PICALM: variants seen among roughly 807,000 people sequenced by gnomAD.
PICALM encodes phosphatidylinositol binding clathrin assembly protein.
Under a neutral mutation model 80.5 loss-of-function variants are expected in PICALM, and 40 were observed. That is an observed-to-expected ratio of 0.50 (90% CI 0.39 to 0.65). The LOEUF (loss-of-function observed/expected upper bound fraction) is 0.65. PICALM is among the 30% of genes least tolerant of loss of function. The pLI is 0.00. For missense variants in PICALM, 676 were observed against 778.9 expected, an observed-to-expected ratio of 0.87 and a Z score of 1.57; for synonymous variants, 288 against 260.3, an observed-to-expected ratio of 1.11 and a Z score of -1.02.
chr11:86,003,431 A>G lies in PICALM; in HGVS notation c.828T>C (p.Asp276=), dbSNP rs1242704176. The change falls in exon 9 of 20, where the codon GAT becomes GAC. Residue 276 remains aspartate, a synonymous_variant. Transcript: ENST00000393346. ...DLSQAPSSLL[D]ALEQHLASLE... ...AGGAAGCTAAATGTTGTTCCAAAGC[A>G]TCAAGAAGACTGCTAGGGGCCTGCA... is the stretch of plus-strand genomic sequence containing the variant. 3 of 1,599,494 alleles carry G rather than the reference A, an allele frequency of 1.9e-6. No homozygotes were observed. Among genetic ancestry groups the G allele is most frequent in the South Asian group, 1.1e-5 (1 of 89,874 alleles).
chr11:86,021,514 C>CGAAAAAAAAAAAAAGGCA (rs2095562567), intron 4 of PICALM, among the ~76,000 whole-genome samples: 6 of 140,094 alleles, frequency 4.3e-5, no homozygotes, highest in Non-Finnish European at 9.4e-5. Flanking sequence ...AAAAAAAAGG[C>CGAAAAAAAAAAAAAGGCA]AAAAAAAAAC....
chr11:86,019,443 T>C (rs2095531778), intron 4 of PICALM, among the ~76,000 whole-genome samples: 1 of 152,134 alleles, frequency 6.6e-6, no homozygotes, highest in Admixed American at 6.6e-5. Context: ...AAAAGACTGC[T>C]CTATTAAATA....
At chr11:86,046,699 A>C (rs1334680210) in intron 1 of PICALM, among the ~76,000 whole-genome samples, 2 of 152,208 alleles carry the variant, frequency 1.3e-5, no homozygotes, top group Non-Finnish European at 1.5e-5. Flanking sequence ...CAAAATCTTT[A>C]TAATGCACAT....
chr11:85,965,708 T>C (rs1250185165), intron 19 of PICALM, among the ~76,000 whole-genome samples: 1 of 152,130 alleles, frequency 6.6e-6, no homozygotes, highest in Non-Finnish European at 1.5e-5. Flanking sequence ...CTTCTTGTGT[T>C]TATGCTCAAC....
At chr11:86,043,561 C>G (rs1483410318) in intron 1 of PICALM, among the ~76,000 whole-genome samples, 2 of 152,164 alleles carry the variant, frequency 1.3e-5, no homozygotes, top group Non-Finnish European at 2.9e-5. Context: ...ATTAATAACA[C>G]TCATTCTTAA....
At chr11:85,998,844 G>T (rs371847441) in intron 11 of PICALM, among the ~76,000 whole-genome samples, 1 of 152,130 alleles carries the variant, frequency 6.6e-6, no homozygotes, top group Non-Finnish European at 1.5e-5. Flanking sequence ...AGGCTAGCTT[G>T]TACGGCTGGG....
intron 3 of PICALM, among the ~76,000 whole-genome samples, chr11:86,025,840 T>A (rs753227621): frequency 2.6e-5 from 4 of 152,182 alleles, no homozygotes; most frequent in Non-Finnish European, 4.4e-5. Context: ...ATAACAGGCA[T>A]GAGCCACCGT....
intron 8 of PICALM, among the ~76,000 whole-genome samples, chr11:86,006,579 G>A (rs1014990789): frequency 5.3e-5 from 8 of 152,276 alleles, no homozygotes; most frequent in African/African-American, 9.6e-5. Flanking sequence ...CCCAGGAAGC[G>A]GAGGTTGCAG....
chr11:86,030,340 CA>C (rs1193260549), intron 2 of PICALM, among the ~76,000 whole-genome samples: 3 of 152,070 alleles, frequency 2.0e-5, no homozygotes, highest in Non-Finnish European at 2.9e-5. Context: ...TGGTAGTTGT[CA>C]AAAAATAGTT....
chr11:86,012,473 T>TA, intron 5 of PICALM, 81 bp from the exon 6 acceptor site: 1 of 786,880 alleles, frequency 1.3e-6, no homozygotes, highest in Middle Eastern at 2.9e-4. Flanking sequence ...CAAATTAAGA[T>TA]ACAGTAAATT....
At position 86,026,274 on chromosome 11, in the gene PICALM, T is replaced by C. The variant is rs969183391; in HGVS notation, c.349+18A>G. ...GTGTCATTCTTTTGATTTTCTATAA[T>C]GTAAAAGTTATCTTTACCTTGCAAT... On this transcript the variant is annotated intron_variant, in intron 3 of 19. Transcript: ENST00000393346. 7.2e-7 allele frequency: 1 copy of C among 1,387,048 alleles called. No homozygotes were observed. The allele number at this position is 1,387,048 out of a possible 1,614,324, so 85.9% of individuals were successfully genotyped here.
At chr11:86,068,476 A>G (rs1049094541) in intron 1 of PICALM, among the ~76,000 whole-genome samples, 175 bp downstream of exon 1, 5 of 151,970 alleles carry the variant, frequency 3.3e-5, no homozygotes, top group African/African-American at 4.8e-5. Flanking sequence ...GAGGCCGTGA[A>G]GGCAGGTGTG....
At chr11:85,996,997 C>T (rs1243383844) in intron 11 of PICALM, 68 bp from the exon 12 acceptor site, 1 of 805,882 alleles carries the variant, frequency 1.2e-6, no homozygotes, top group Middle Eastern at 2.3e-4. Context: ...GTCACCTTCT[C>T]CACCCACCAC....
Position 85,971,717 on chromosome 11 carries a change from C to A in PICALM, c.1944+2991G>T, listed in dbSNP as rs538156880. Among the ~76,000 whole-genome samples the A allele has an allele frequency of 9.4e-5, 14 of 148,666 alleles. No individual in the cohort carries two copies. The East Asian group carries it at 2.6e-3, about 27-fold the overall frequency. On this transcript the variant is annotated intron_variant, in intron 19 of 19. Coordinates refer to ENST00000393346, the MANE Select transcript of PICALM (RefSeq NM_007166.4). The stretch of plus-strand genomic sequence containing the variant: ...CACCACTGTACTCGAGTCTGGGTGA[C>A]AGAGCAAGACCCTGTCTCAAAAAAA...
At chr11:86,007,935 C>A in intron 7 of PICALM, among the ~76,000 whole-genome samples, 1 of 150,702 alleles carries the variant, frequency 6.6e-6, no homozygotes, top group South Asian at 2.1e-4. Context: ...AAAGCCTGAC[C>A]ATGAACAAGC....
At chr11:86,059,315 C>A (rs538962345) in intron 1 of PICALM, among the ~76,000 whole-genome samples, 1 of 152,300 alleles carries the variant, frequency 6.6e-6, no homozygotes, top group South Asian at 2.1e-4. Flanking sequence ...AAAACAATTC[C>A]TATTCTGTGG....
At chr11:86,018,270 G>A (rs1385544878) in intron 4 of PICALM, among the ~76,000 whole-genome samples, 2 of 152,118 alleles carry the variant, frequency 1.3e-5, no homozygotes, top group Non-Finnish European at 2.9e-5. Flanking sequence ...GGAAGGGGGA[G>A]TGTGCTCAAT....
At chr11:85,967,817 AT>A (rs2093953939) in intron 19 of PICALM, among the ~76,000 whole-genome samples, 2 of 152,244 alleles carry the variant, frequency 1.3e-5, no homozygotes. Context: ...TAAGACTTAA[AT>A]TATTCGAATA....
intron 8 of PICALM, among the ~76,000 whole-genome samples, chr11:86,006,078 C>T (rs2095270084): frequency 1.3e-5 from 2 of 152,150 alleles, no homozygotes; most frequent in Non-Finnish European, 2.9e-5. Context: ...ATAAGGGAAG[C>T]ATAACAAATG....
Sources: gnomAD v4.1 joint callset for allele counts (sites outside exome capture counted in the v4.1 genomes callset) on GRCh38, gnomAD v4.1.1 for gene constraint, MANE v1.5 for transcripts, NCBI Gene and HGNC (gene_info 2026-07-23, HGNC 2026-07-21) for gene names.